Variants in KCNN1 observed in about 807,000 individuals in gnomAD.
KCNN1 encodes the protein small conductance calcium-activated potassium channel protein 1.
KCNN1 carries 20 observed loss-of-function variants against 44.7 expected under a neutral mutation model. The observed-to-expected ratio is 0.45, with a 90% CI of 0.32 to 0.65. KCNN1 has a LOEUF of 0.65. Ranked by LOEUF, KCNN1 falls within the 30% of genes least tolerant of loss-of-function variation. The pLI is 0.05. For missense variants in KCNN1, 632 were observed against 785.3 expected (o/e 0.80, Z 2.33); for synonymous variants, 324 against 341.7 (o/e 0.95, Z 0.57).
chr19:17,969,399 G>C, intron 1 of KCNN1, among the ~76,000 whole-genome samples: 1 of 152,022 alleles, frequency 6.6e-6, no homozygotes, highest in Middle Eastern at 3.2e-3. Context: ...CTTGCTCACC[G>C]GTGGTGATAG....
intron 4 of KCNN1, 26 bp from the exon 5 acceptor site, chr19:17,985,286 C>T: frequency 6.4e-7 from 1 of 1,568,116 alleles, no homozygotes; most frequent in African/African-American, 1.3e-5. Flanking sequence ...ACTGAGCCCT[C>T]CCTCTTCCCA....
intron 2 of KCNN1, among the ~76,000 whole-genome samples, chr19:17,960,885 A>T (rs1330155386): frequency 2.0e-5 from 3 of 151,764 alleles, no homozygotes; most frequent in African/African-American, 4.8e-5. Context: ...GCTTCGTATT[A>T]AAAAAAACAG....
At chr19:17,968,119 C>T (rs1379404485) in intron 1 of KCNN1, among the ~76,000 whole-genome samples, 2 of 151,202 alleles carry the variant, frequency 1.3e-5, no homozygotes, top group Admixed American at 6.6e-5. Context: ...GGGGGATCCT[C>T]GGAGACCTTC....
At chr19:17,992,459 G>A (rs2083704041) in intron 7 of KCNN1, among the ~76,000 whole-genome samples, 1 of 152,194 alleles carries the variant, frequency 6.6e-6, no homozygotes, top group Admixed American at 6.5e-5. Flanking sequence ...AATTAAACCA[G>A]GTGTGCTGGT....
chr19:17,985,195 C>A, intron 4 of KCNN1, 117 bp from the exon 5 acceptor site: 1 of 992,718 alleles, frequency 1.0e-6, no homozygotes, highest in Non-Finnish European at 1.4e-6. Flanking sequence ...GACATAGCCC[C>A]AACGCAGCGA....
chr19:17,973,748 T>C (rs1174670701), intron 1 of KCNN1, 60 bp from the exon 2 acceptor site: 1 of 1,441,350 alleles, frequency 6.9e-7, no homozygotes, highest in African/African-American at 1.5e-5. Flanking sequence ...GGGATGGTCC[T>C]TGCCTTTCTG....
At chr19:17,973,705 C>A in intron 1 of KCNN1, 103 bp from the exon 2 acceptor site, 2 of 1,344,490 alleles carry the variant, frequency 1.5e-6, no homozygotes, top group Non-Finnish European at 1.9e-6. Context: ...GCACTCTGGG[C>A]CACTCCCAAA....
intron 1 of KCNN1, among the ~76,000 whole-genome samples, chr19:17,969,867 G>A (rs1376780254): frequency 6.6e-6 from 1 of 152,226 alleles, no homozygotes; most frequent in Non-Finnish European, 1.5e-5. Flanking sequence ...AGGATCTGGG[G>A]TTCCTGTGTG....
intron 2 of KCNN1, among the ~76,000 whole-genome samples, chr19:17,955,443 C>T (rs1599989587): frequency 3.3e-5 from 5 of 150,708 alleles, no homozygotes; most frequent in Admixed American, 3.3e-4. Context: ...TGCCTGTAAT[C>T]CCAGCTACTT....
chr19:17,962,238 T>G (rs182303101), upstream of KCNN1, among the ~76,000 whole-genome samples: 2 of 152,264 alleles, frequency 1.3e-5, no homozygotes, highest in Non-Finnish European at 2.9e-5. Context: ...GGATGCTTTT[T>G]GGGGACTCCT....
Position 17,967,240 on chromosome 19 carries a change from C to T in KCNN1, c.-159C>T. ...GCCCCGTCCGCGACCCCGGCTCCGG[C>T]TCCCGACTGGGGGTCCGCGGCCGCG... On this transcript the variant is annotated 5_prime_UTR_variant, in exon 1 of 10. Transcript: ENST00000684775. 1.0e-6 allele frequency: 1 copy of T among 984,282 alleles called. No homozygotes were observed. The highest frequency in any genetic ancestry group is 1.7e-5 in the African/African-American group (1 of 57,186). 61.0% of individuals were successfully genotyped at this position (984,282 alleles called of 1,614,324 possible). A position where few individuals can be genotyped will look rare whatever the true frequency, so the allele number is the denominator to read the frequency against.
At position 17,989,728 on chromosome 19, in the gene KCNN1, G is replaced by A; in HGVS notation, c.1183G>A (p.Ala395Thr). ...TQLTKRVKNA[A>T]ANVLRETWLI... Reference sequence around the variant, plus strand: ...TTTCTGGCCCCAGGTAAAAAACGCCGCTGCTAACGTTCTCAGGGAGACGTG... The same window carrying A: ...TTTCTGGCCCCAGGTAAAAAACGCCACTGCTAACGTTCTCAGGGAGACGTG... The change falls in exon 7 of 10, where the codon GCT (alanine) becomes ACT (threonine). Residue 395 changes from alanine (A) to threonine (T), a missense_variant. Ala to Thr is a moderately conservative substitution (Grantham distance 58, BLOSUM62 0). Transcript: ENST00000684775. 2 of 1,613,784 alleles carry A rather than the reference G, an allele frequency of 1.2e-6. No individual in the cohort carries two copies. Among genetic ancestry groups the A allele is most frequent in the Non-Finnish European group, 1.7e-6 (2 of 1,179,844 alleles).
chr19:17,994,851 C>T (rs1450302735), intron 9 of KCNN1, among the ~76,000 whole-genome samples: 2 of 152,122 alleles, frequency 1.3e-5, no homozygotes, highest in African/African-American at 2.4e-5. Flanking sequence ...GCCCATTTCC[C>T]ACTTTTTGAA....
At chr19:17,991,261 G>C (rs879466769) in intron 7 of KCNN1, among the ~76,000 whole-genome samples, 8 of 152,102 alleles carry the variant, frequency 5.3e-5, no homozygotes, top group Non-Finnish European at 7.4e-5. Flanking sequence ...CAACCAGCCT[G>C]GGCAACAAAG....
At chr19:17,995,864 G>A (rs1322957000) in intron 9 of KCNN1, among the ~76,000 whole-genome samples, 11 of 152,214 alleles carry the variant, frequency 7.2e-5, no homozygotes, top group Admixed American at 6.6e-4. Flanking sequence ...GGGATTACAG[G>A]CATAAGCCAC....
chr19:17,977,398 G>A (rs901872569), intron 3 of KCNN1, among the ~76,000 whole-genome samples: 1 of 151,300 alleles, frequency 6.6e-6, no homozygotes, highest in African/African-American at 2.4e-5. Context: ...CTGGAATGCC[G>A]TGGCTTGATC....
At chr19:17,997,846 C>T (rs565845968) in intron 9 of KCNN1, among the ~76,000 whole-genome samples, 38 of 151,318 alleles carry the variant, frequency 2.5e-4, no homozygotes, top group Non-Finnish European at 4.6e-4. Flanking sequence ...TGTAATGAGC[C>T]GAGATTGGGC....
chr19:17,964,955 G>A (rs1046782898), upstream of KCNN1, among the ~76,000 whole-genome samples: 4 of 152,118 alleles, frequency 2.6e-5, no homozygotes, highest in African/African-American at 7.2e-5. The surrounding 1 kb of genome is among the most constrained non-coding windows in gnomAD (Gnocchi z 4.3). Flanking sequence ...TGTGAATTTC[G>A]GGACAGTTAC....
chr19:17,995,882 G>A (rs532592306), intron 9 of KCNN1, among the ~76,000 whole-genome samples: 48 of 152,056 alleles, frequency 3.2e-4, no homozygotes, highest in South Asian at 1.2e-3. Context: ...CACTGTGCCC[G>A]GCCTCATATA....
Sources: gnomAD v4.1 joint callset for allele counts (sites outside exome capture counted in the v4.1 genomes callset) on GRCh38, gnomAD v4.1.1 for gene constraint, Gnocchi (gnomAD v3.1) non-coding constraint, MANE v1.5 for transcripts, NCBI Gene and HGNC (gene_info 2026-07-23, HGNC 2026-07-21) for gene names.